ELAPOR2: variants seen among roughly 807,000 people sequenced by gnomAD.
The protein encoded by ELAPOR2 is endosome/lysosome-associated apoptosis and autophagy regulator family member 2.
Under a neutral mutation model 120.7 loss-of-function variants are expected in ELAPOR2, and 89 were observed. The observed-to-expected ratio is 0.74, with a 90% CI of 0.62 to 0.88. ELAPOR2 has a LOEUF of 0.88. Ranked by LOEUF, ELAPOR2 falls within the 40% of genes least tolerant of loss-of-function variation. The probability of loss-of-function intolerance (pLI) is 0.00; values close to 1 mark genes in which losing one functional copy is unlikely to be tolerated. For missense variants in ELAPOR2, 1,134 were observed against 1,251.6 expected, an observed-to-expected ratio of 0.91 and a Z score of 1.42; for synonymous variants, 444 against 444.9, an observed-to-expected ratio of 1.00 and a Z score of 0.03.
chr7:86,956,270 G>A (rs73382401), intron 2 of ELAPOR2, among the ~76,000 whole-genome samples: 16,573 of 152,202 alleles, frequency 0.11, 921 homozygotes, highest in Middle Eastern at 0.13. Context: ...AGAAGAAAGA[G>A]AAACCTGTTT....
At position 86,997,987 on chromosome 7, in the gene ELAPOR2, C is replaced by G. The variant is rs112971697; in HGVS notation, c.190-32963G>C. 6.2e-3 allele frequency among the ~76,000 whole-genome samples: 938 copies of G among 152,168 alleles called. 11 individuals are homozygous for G. Among genetic ancestry groups the G allele is most frequent in the African/African-American group, 0.022 (907 of 41,538 alleles). On this transcript the variant is annotated intron_variant, in intron 1 of 21. Coordinates refer to ENST00000450689, the MANE Select transcript of ELAPOR2 (RefSeq NM_001142749.3). Reference sequence around the variant, plus strand: ...GGTAGCCAGACCCACTCTCTGGGAGCTGAAAGAATTACACAACAATATGTA... The same window carrying G: ...GGTAGCCAGACCCACTCTCTGGGAGGTGAAAGAATTACACAACAATATGTA...
At chr7:86,976,211 G>C (rs1176714782) in intron 1 of ELAPOR2, among the ~76,000 whole-genome samples, 4 of 152,140 alleles carry the variant, frequency 2.6e-5, no homozygotes, top group Non-Finnish European at 5.9e-5. Context: ...GAGCTTAGGA[G>C]AAAATCCTTA....
At chr7:86,971,310 C>T (rs1792101365) in intron 1 of ELAPOR2, among the ~76,000 whole-genome samples, 1 of 152,170 alleles carries the variant, frequency 6.6e-6, no homozygotes, top group Non-Finnish European at 1.5e-5. Context: ...CAACCACATT[C>T]TGTAACCATG....
At chr7:86,881,927 CAGGAAGGG>C (rs1273448329) in intron 21 of ELAPOR2, among the ~76,000 whole-genome samples, 3 of 152,150 alleles carry the variant, frequency 2.0e-5, no homozygotes, top group Non-Finnish European at 4.4e-5. Context: ...GAGTAGCTGT[CAGGAAGGG>C]TAAGTTTGCT....
chr7:86,955,606 A>G (rs566448278), intron 2 of ELAPOR2, among the ~76,000 whole-genome samples: 1 of 152,294 alleles, frequency 6.6e-6, no homozygotes, highest in Non-Finnish European at 1.5e-5. Context: ...GTATTGCACT[A>G]TAATTCACAG....
At chr7:87,007,859 G>A (rs749039439) in intron 1 of ELAPOR2, among the ~76,000 whole-genome samples, 21 of 152,140 alleles carry the variant, frequency 1.4e-4, no homozygotes, top group Non-Finnish European at 7.4e-5. Context: ...GAATCCATCA[G>A]TGCATATTGA....
At chr7:86,955,951 C>CAA (rs1375523452) in intron 2 of ELAPOR2, among the ~76,000 whole-genome samples, 1 of 97,004 alleles carries the variant, frequency 1.0e-5, no homozygotes, top group Non-Finnish European at 2.2e-5. Context: ...AAGAACTCTG[C>CAA]AAAAAACAAA....
intron 1 of ELAPOR2, among the ~76,000 whole-genome samples, chr7:87,028,438 G>C (rs1794319808): frequency 6.6e-6 from 1 of 152,014 alleles, no homozygotes; most frequent in Non-Finnish European, 1.5e-5. Context: ...ATGTGCCCTA[G>C]CACTTGGTCC....
chr7:86,988,626 A>G (rs1199287722), intron 1 of ELAPOR2, among the ~76,000 whole-genome samples: 4 of 152,240 alleles, frequency 2.6e-5, no homozygotes, highest in African/African-American at 9.6e-5. Flanking sequence ...CCTAGGCAGT[A>G]CAACGATCAT....
intron 19 of ELAPOR2, among the ~76,000 whole-genome samples, chr7:86,896,315 T>C (rs191879006): frequency 3.5e-4 from 53 of 152,218 alleles, no homozygotes; most frequent in Non-Finnish European, 1.8e-4. Context: ...CTGGGTTTGA[T>C]GTACAATATA....
chr7:86,949,413 G>A (rs1488064700), intron 2 of ELAPOR2, among the ~76,000 whole-genome samples: 2 of 152,182 alleles, frequency 1.3e-5, no homozygotes, highest in African/African-American at 4.8e-5. Context: ...CTACTGTGGG[G>A]GAAGTGCGGA....
At chr7:87,036,252 T>A (rs891509926) in intron 1 of ELAPOR2, among the ~76,000 whole-genome samples, 1 of 152,154 alleles carries the variant, frequency 6.6e-6, no homozygotes, top group African/African-American at 2.4e-5. Flanking sequence ...GGTGGGATGA[T>A]TACTTGAGAC....
chr7:86,964,961 G>A lies in ELAPOR2; in HGVS notation c.253C>T (p.Pro85Ser), dbSNP rs1474336903. ...CCAGAGCAGTCCACTGCAGAATTTGGAATGGCAACTCTCCACCTGGAGCCA... is the reference window on the plus strand; with the variant it reads ...CCAGAGCAGTCCACTGCAGAATTTGAAATGGCAACTCTCCACCTGGAGCCA... ...SSGSRWRVAI[P>S]NSAVDCSGLP... Residue 85 changes from proline to serine, a missense_variant, in exon 2 of 22, where the codon CCA becomes TCA. Coordinates refer to ENST00000450689, the MANE Select transcript of ELAPOR2 (RefSeq NM_001142749.3). The A allele has an allele frequency of 6.4e-7, 1 of 1,551,514 alleles. No homozygotes were observed. The highest frequency in any genetic ancestry group is 1.2e-5 in the South Asian group (1 of 84,066).
chr7:86,909,706 TG>T, intron 16 of ELAPOR2, 105 bp downstream of exon 16: 2 of 938,630 alleles, frequency 2.1e-6, no homozygotes, highest in Non-Finnish European at 3.1e-6. Context: ...AAATTACCTG[TG>T]GGGGCCTTAA....
At chr7:86,953,487 T>G (rs1262600544) in intron 2 of ELAPOR2, among the ~76,000 whole-genome samples, 1 of 152,232 alleles carries the variant, frequency 6.6e-6, no homozygotes, top group South Asian at 2.1e-4. Flanking sequence ...ATCCACTCTC[T>G]ATGTCAACAC....
At position 86,877,394 on chromosome 7, in the gene ELAPOR2, T is replaced by C. The variant is rs1698193481; in HGVS notation, c.*3077A>G. 2 of 152,204 alleles carry C rather than the reference T, an allele frequency of 1.3e-5. No individual in the cohort carries two copies. Among genetic ancestry groups the C allele is most frequent in the Admixed American group, 1.3e-4 (2 of 15,262 alleles). 9.4% of individuals were successfully genotyped at this position (152,204 alleles called of 1,614,324 possible). On this transcript the variant is annotated 3_prime_UTR_variant, in exon 22 of 22. Coordinates refer to ENST00000450689, the MANE Select transcript of ELAPOR2 (RefSeq NM_001142749.3). ...CAGTTTAGGAGTTGGGCCTGTCAAC[T>C]GCAATCATATTCATGATTACTATAA...
In ELAPOR2 at chr7:87,041,574, A is replaced by C. The variant is rs998985151; in HGVS notation, c.189+17751T>G. Among the ~76,000 whole-genome samples, 78 of 152,224 alleles carry C rather than the reference A, an allele frequency of 5.1e-4. 1 individual carries two copies. Among genetic ancestry groups the C allele is most frequent in the South Asian group, 4.2e-4 (2 of 4,810 alleles). On this transcript the variant is annotated intron_variant, in intron 1 of 21. Transcript: ENST00000450689. ...ACAAGCAAATGCTGAGAGATTTTGT[A>C]ACCACCAGGCCTGCCCTAAAAGAGC...
At chr7:86,964,573 T>A (rs1421593064) in intron 2 of ELAPOR2, among the ~76,000 whole-genome samples, 1 of 152,160 alleles carries the variant, frequency 6.6e-6, no homozygotes, top group Admixed American at 6.5e-5. Flanking sequence ...AAATTTTAAG[T>A]TATGTGTATT....
intron 1 of ELAPOR2, among the ~76,000 whole-genome samples, chr7:87,017,838 TTGAG>T (rs990983995): frequency 6.6e-6 from 1 of 152,026 alleles, no homozygotes; most frequent in African/African-American, 2.4e-5. Flanking sequence ...GGAGGATCAC[TTGAG>T]TCTGGGAGGC....
Sources: allele counts gnomAD v4.1 joint callset (sites outside exome capture counted in the v4.1 genomes callset), GRCh38; gene constraint gnomAD v4.1.1; transcripts MANE v1.5; gene names NCBI Gene and HGNC (gene_info 2026-07-23, HGNC 2026-07-21).